SH3D19: variants seen among roughly 807,000 people sequenced by gnomAD.
SH3D19 encodes the protein SH3 domain containing 19.
In SH3D19, 58 loss-of-function variants were observed where a neutral mutation model predicts 112.1. The ratio of observed to expected loss-of-function variants is 0.52; its 90% CI spans 0.42 to 0.64. The LOEUF (loss-of-function observed/expected upper bound fraction) is 0.64, where lower values mean the gene tolerates loss of function less well. Among genes scored for constraint, SH3D19 ranks in the 30% least tolerant of loss-of-function variants. SH3D19 has a pLI of 0.00. For synonymous variants in SH3D19, 391 were observed against 448.5 expected (o/e 0.87, Z 1.62); for missense variants, 1,090 against 1,263.4 (o/e 0.86, Z 2.08).
At chr4:151,282,556 A>C (rs1477474870) in intron 1 of SH3D19, 2 of 831,094 alleles carry the variant, frequency 2.4e-6, no homozygotes, top group African/African-American at 3.5e-5. Context: ...TAAGTTTTTA[A>C]ATAAAATATC....
At chr4:151,131,547 C>T (rs570275681) in intron 17 of SH3D19, among the ~76,000 whole-genome samples, 8 of 146,794 alleles carry the variant, frequency 5.4e-5, no homozygotes, top group South Asian at 4.3e-4. Context: ...AGTGCAGTGG[C>T]GCAATCTTGG....
At chr4:151,295,556 CTGTT>C (rs1379360670) in intron 1 of SH3D19, among the ~76,000 whole-genome samples, 1 of 152,208 alleles carries the variant, frequency 6.6e-6, no homozygotes, top group Non-Finnish European at 1.5e-5. Context: ...AACTCACTTC[CTGTT>C]TGTTTTCTTC....
chr4:151,145,516 C>T (rs1753774242), intron 11 of SH3D19, among the ~76,000 whole-genome samples: 1 of 152,178 alleles, frequency 6.6e-6, no homozygotes, highest in African/African-American at 2.4e-5. Flanking sequence ...TGCAATTTTC[C>T]ACTACCTACC....
At chr4:151,151,133 G>T (rs746518772) in intron 9 of SH3D19, among the ~76,000 whole-genome samples, 1 of 151,816 alleles carries the variant, frequency 6.6e-6, no homozygotes, top group African/African-American at 2.4e-5. Flanking sequence ...GCTAATTTTC[G>T]TATTTTCAGT....
At chr4:151,122,763 T>C (rs907804792) in intron 19 of SH3D19, among the ~76,000 whole-genome samples, 1 of 152,174 alleles carries the variant, frequency 6.6e-6, no homozygotes, top group Non-Finnish European at 1.5e-5. Flanking sequence ...CTTGTCTTAT[T>C]CTGTGTACTT....
At chr4:151,127,054 C>T (rs1448513179) in intron 19 of SH3D19, among the ~76,000 whole-genome samples, 12 of 151,606 alleles carry the variant, frequency 7.9e-5, no homozygotes, top group Admixed American at 2.6e-4. Flanking sequence ...GGATTACAGG[C>T]GCCTGCCACC....
chr4:151,273,634 C>T (rs537197795), intron 1 of SH3D19, among the ~76,000 whole-genome samples: 1 of 133,294 alleles, frequency 7.5e-6, no homozygotes, highest in East Asian at 2.3e-4. Context: ...AGACCTGGGA[C>T]AACCACAAAA....
chr4:151,141,982 A>T (rs1303898662), intron 12 of SH3D19, among the ~76,000 whole-genome samples: 1 of 152,190 alleles, frequency 6.6e-6, no homozygotes, highest in Non-Finnish European at 1.5e-5. Flanking sequence ...TAGCAGGTGA[A>T]GGGCAAGAGG....
chr4:151,219,298 T>A (rs966159593), intron 2 of SH3D19, among the ~76,000 whole-genome samples: 2 of 152,090 alleles, frequency 1.3e-5, no homozygotes, highest in Admixed American at 6.6e-5. Context: ...TTAGCTATAA[T>A]CCCCTTTATC....
rs113938409 is a variant in SH3D19 at position 151,178,133 on chromosome 4, C to T, written c.237-1178G>A. Among the ~76,000 whole-genome samples the T allele has an allele frequency of 2.0e-5, 3 of 152,200 alleles. No homozygotes were observed. In the South Asian group the frequency reaches 6.2e-4, roughly 32 times the overall value. ...CTCACTATCTTGCTCAGGCAGGTTT[C>T]GAACTCCCAGCCTCAAGCAATCCTT... On this transcript the variant is annotated intron_variant, in intron 4 of 19. Coordinates refer to ENST00000604030, the MANE Select transcript of SH3D19 (RefSeq NM_001378122.1).
chr4:151,197,882 G>A (rs973067412), intron 2 of SH3D19, among the ~76,000 whole-genome samples: 3 of 152,026 alleles, frequency 2.0e-5, no homozygotes, highest in African/African-American at 7.3e-5. Context: ...TGAAGCCAAG[G>A]CTTTATGTGA....
At position 151,226,313 on chromosome 4, in the gene SH3D19, A is replaced by T. The variant is rs1011078491; in HGVS notation, c.113-227T>A. 29 of 1,191,110 alleles carry T rather than the reference A, an allele frequency of 2.4e-5. No individual in the cohort carries two copies. In the South Asian group the frequency reaches 8.2e-4, roughly 34 times the overall value. The allele number at this position is 1,191,110 out of a possible 1,614,324, so 73.8% of individuals were successfully genotyped here. Reference sequence around the variant, plus strand: ...CGGTTTGTTAAAATCATCTACTTGGAAAATGCATCATTACATGCATTATTT... The same window carrying T: ...CGGTTTGTTAAAATCATCTACTTGGTAAATGCATCATTACATGCATTATTT... On this transcript the variant is annotated intron_variant, in intron 1 of 19. Coordinates refer to ENST00000604030, the MANE Select transcript of SH3D19 (RefSeq NM_001378122.1).
intron 1 of SH3D19, chr4:151,228,005 T>A: frequency 1.0e-6 from 1 of 985,318 alleles, no homozygotes; most frequent in East Asian, 1.1e-4. Context: ...ACAGCTGGAA[T>A]GTGGCCACTC....
Position 151,177,964 on chromosome 4 carries a change from T to A in SH3D19, c.237-1009A>T, listed in dbSNP as rs1760215372. Among the ~76,000 whole-genome samples, 3 of 152,230 alleles carry A rather than the reference T, an allele frequency of 2.0e-5. No homozygotes were observed. In the South Asian group the frequency reaches 6.2e-4, roughly 31 times the overall value. ...ATTTTGTAGAGACAGGGCCTCACTC[T>A]GTTGCCCAGGCTGGAGTGCAGTGGC... is the stretch of plus-strand genomic sequence containing the variant. On this transcript the variant is annotated intron_variant, in intron 4 of 19. Coordinates refer to ENST00000604030, the MANE Select transcript of SH3D19 (RefSeq NM_001378122.1).
Position 151,135,054 on chromosome 4 carries a change from A to G in SH3D19, c.2486+20T>C. 6.4e-7 allele frequency: 1 copy of G among 1,565,240 alleles called. No individual in the cohort carries two copies. Among genetic ancestry groups the G allele is most frequent in the East Asian group, 2.3e-5 (1 of 43,802 alleles). Reference sequence around the variant, plus strand: ...TTATCTCCTTTGTATTTTGTGTAAAAGAACACAAATAAAACTTACTTAACA... The same window carrying G: ...TTATCTCCTTTGTATTTTGTGTAAAGGAACACAAATAAAACTTACTTAACA... On this transcript the variant is annotated intron_variant, in intron 15 of 19. Transcript: ENST00000604030.
At chr4:151,227,852 A>T in intron 1 of SH3D19, 1 of 985,430 alleles carries the variant, frequency 1.0e-6, no homozygotes, top group Non-Finnish European at 1.2e-6. Flanking sequence ...TGTAATAGCA[A>T]ATTTCCCCAC....
chr4:151,251,755 G>A (rs946586187), intron 1 of SH3D19, among the ~76,000 whole-genome samples: 2 of 152,052 alleles, frequency 1.3e-5, no homozygotes, highest in Non-Finnish European at 2.9e-5. Flanking sequence ...CTCTACCCAT[G>A]TTGCTGAGCA....
At chr4:151,264,583 A>G (rs1772630249) in intron 1 of SH3D19, among the ~76,000 whole-genome samples, 1 of 152,130 alleles carries the variant, frequency 6.6e-6, no homozygotes, top group Non-Finnish European at 1.5e-5. Flanking sequence ...AACAGAGAGT[A>G]CAGGAAGAGT....
chr4:151,129,587 C>T (rs1433096585), intron 17 of SH3D19, among the ~76,000 whole-genome samples: 1 of 152,186 alleles, frequency 6.6e-6, no homozygotes, highest in Admixed American at 6.5e-5. Context: ...CCAGGCTGGT[C>T]TCGAACTCCT....
Sources: gnomAD v4.1 joint callset for allele counts (sites outside exome capture counted in the v4.1 genomes callset) on GRCh38, gnomAD v4.1.1 for gene constraint, MANE v1.5 for transcripts, NCBI Gene and HGNC (gene_info 2026-07-23, HGNC 2026-07-21) for gene names.